The following GRM1 variants were observed in gnomAD, a reference collection of about 807,000 sequenced individuals.
GRM1 encodes the protein glutamate metabotropic receptor 1.
A neutral mutation model predicts 90.9 loss-of-function variants in GRM1; 33 were observed. The observed-to-expected ratio is 0.36, with a 90% CI of 0.28 to 0.49. The LOEUF (loss-of-function observed/expected upper bound fraction) is 0.49. GRM1 is among the 20% of genes least tolerant of loss of function. The pLI, the probability that GRM1 is intolerant of heterozygous loss-of-function variation, is 0.99. For synonymous variants in GRM1, 700 were observed against 613.2 expected, an observed-to-expected ratio of 1.14 and a Z score of -2.09; for missense variants, 1,190 against 1,534.3, an observed-to-expected ratio of 0.78 and a Z score of 3.75.
At chr6:146,314,597 G>T (rs771083036) in intron 3 of GRM1, among the ~76,000 whole-genome samples, 25 of 152,148 alleles carry the variant, frequency 1.6e-4, no homozygotes, top group Non-Finnish European at 3.4e-4. Context: ...TAATTCACCT[G>T]TTGGTCTTAT....
At chr6:146,161,581 C>T (rs776236950) in intron 2 of GRM1, among the ~76,000 whole-genome samples, 1 of 152,026 alleles carries the variant, frequency 6.6e-6, no homozygotes, top group Admixed American at 6.6e-5. Flanking sequence ...TCCACATATC[C>T]GAGGGAGCTA....
At chr6:146,162,591 A>G (rs1009503786) in intron 2 of GRM1, among the ~76,000 whole-genome samples, 4 of 152,178 alleles carry the variant, frequency 2.6e-5, no homozygotes, top group Non-Finnish European at 5.9e-5. Context: ...AATTAAGTCA[A>G]GTAGTGTCAC....
chr6:146,119,317 G>C (rs974963677), intron 1 of GRM1, among the ~76,000 whole-genome samples: 1 of 152,120 alleles, frequency 6.6e-6, no homozygotes, highest in Non-Finnish European at 1.5e-5. Flanking sequence ...ATTTGTTTGA[G>C]TTCTTTGTAG....
At chr6:146,287,944 CTG>C (rs1021896069) in intron 2 of GRM1, among the ~76,000 whole-genome samples, 1 of 152,164 alleles carries the variant, frequency 6.6e-6, no homozygotes, top group African/African-American at 2.4e-5. Context: ...GATAATCAAT[CTG>C]TGTTGTTTTA....
chr6:146,412,436 A>G (rs537902618), intron 7 of GRM1, among the ~76,000 whole-genome samples: 1 of 151,070 alleles, frequency 6.6e-6, no homozygotes. Flanking sequence ...TGTTTTTCAC[A>G]TTTTTTTTTG....
chr6:146,304,533 C>T (rs971524252), intron 2 of GRM1, 78 bp from the exon 3 acceptor site: 13 of 1,002,022 alleles, frequency 1.3e-5, no homozygotes, highest in African/African-American at 6.4e-5. Context: ...TGGATTGCTT[C>T]ATTCATATAT....
intron 1 of GRM1, among the ~76,000 whole-genome samples, chr6:146,031,187 A>G (rs930080881): frequency 5.9e-5 from 9 of 152,186 alleles, no homozygotes; most frequent in Non-Finnish European, 1.0e-4. Flanking sequence ...ACATTTTTTA[A>G]TAAAAGGGGA....
At chr6:146,344,199 A>G (rs1390351009) in intron 3 of GRM1, among the ~76,000 whole-genome samples, 1 of 152,146 alleles carries the variant, frequency 6.6e-6, no homozygotes, top group Non-Finnish European at 1.5e-5. Context: ...ACCACCTGCT[A>G]TTCATTTATT....
intron 2 of GRM1, among the ~76,000 whole-genome samples, chr6:146,255,426 A>G (rs1487096153): frequency 6.6e-6 from 1 of 152,080 alleles, no homozygotes. Flanking sequence ...CCCCTATCCC[A>G]TTTCCTAGGA....
chr6:146,225,194 C>T (rs956844537), intron 2 of GRM1, among the ~76,000 whole-genome samples: 3 of 152,114 alleles, frequency 2.0e-5, no homozygotes, highest in African/African-American at 7.2e-5. Flanking sequence ...TGTGGGAGTG[C>T]GATCCTCTTG....
rs533844281 is a variant in GRM1 at position 146,199,409 on chromosome 6, T to C, written c.950+39812T>C. ...GTTCTTGCTGGGATAGTAAATTCTG[T>C]GGACCCAAGTCAATGAATTCTTACT... On this transcript the variant is annotated intron_variant, in intron 2 of 7. Transcript: ENST00000282753. Among the ~76,000 whole-genome samples the C allele has an allele frequency of 4.3e-3, 653 of 152,318 alleles. 4 individuals carry two copies. The highest frequency in any genetic ancestry group is 0.02 in the Middle Eastern group (6 of 294).
At chr6:146,089,043 C>CT (rs769146857) in intron 1 of GRM1, among the ~76,000 whole-genome samples, 10 of 152,162 alleles carry the variant, frequency 6.6e-5, no homozygotes, top group Non-Finnish European at 4.4e-5. Context: ...CTGTGACTGG[C>CT]TTCTAACCAA....
intron 1 of GRM1, among the ~76,000 whole-genome samples, chr6:146,094,914 A>G (rs1776828042): frequency 6.6e-6 from 1 of 152,086 alleles, no homozygotes; most frequent in Non-Finnish European, 1.5e-5. Flanking sequence ...TCCTCCAAAG[A>G]TCCAAAGGTA....
At chr6:146,414,409 TG>T (rs910096390) in intron 7 of GRM1, among the ~76,000 whole-genome samples, 10 of 150,812 alleles carry the variant, frequency 6.6e-5, no homozygotes, top group South Asian at 2.1e-4. Context: ...TTATTATTTT[TG>T]TTGTTGTTGT....
At chr6:146,066,167 A>G (rs1188925374) in intron 1 of GRM1, among the ~76,000 whole-genome samples, 2 of 152,170 alleles carry the variant, frequency 1.3e-5, no homozygotes, top group Non-Finnish European at 2.9e-5. Context: ...TCCGTCACCT[A>G]GGTAAGAGAG....
intron 2 of GRM1, among the ~76,000 whole-genome samples, chr6:146,160,626 G>A (rs1254996479): frequency 6.6e-6 from 1 of 152,078 alleles, no homozygotes; most frequent in East Asian, 1.9e-4. Context: ...TTCTGCTCTG[G>A]AAGCTAGGTA....
intron 1 of GRM1, among the ~76,000 whole-genome samples, chr6:146,158,148 G>A (rs965640969): frequency 1.3e-5 from 2 of 152,062 alleles, no homozygotes; most frequent in African/African-American, 4.8e-5. Flanking sequence ...CCATATTTAG[G>A]TGCTCAGGTG....
intron 2 of GRM1, among the ~76,000 whole-genome samples, chr6:146,212,759 C>T (rs1488788488): frequency 6.6e-6 from 1 of 152,112 alleles, no homozygotes; most frequent in African/African-American, 2.4e-5. Context: ...TAGCTGTATA[C>T]CCCCATTTGG....
intron 1 of GRM1, among the ~76,000 whole-genome samples, chr6:146,128,858 A>G (rs911051329): frequency 5.3e-5 from 8 of 152,148 alleles, no homozygotes; most frequent in African/African-American, 1.9e-4. Flanking sequence ...CCATTTCCCT[A>G]AAAGTACAGA....
Sources: gnomAD v4.1 joint callset for allele counts (sites outside exome capture counted in the v4.1 genomes callset) on GRCh38, gnomAD v4.1.1 for gene constraint, MANE v1.5 for transcripts, NCBI Gene and HGNC (gene_info 2026-07-23, HGNC 2026-07-21) for gene names.